Variants in USH2A observed in about 807,000 individuals in gnomAD.
USH2A encodes the protein Usher syndrome 2A (autosomal recessive, mild).
USH2A carries 443 observed loss-of-function variants against 538.9 expected under a neutral mutation model. The observed-to-expected ratio is 0.82, with a 90% CI of 0.76 to 0.89. The LOEUF (loss-of-function observed/expected upper bound fraction) is 0.89, where lower values mean the gene tolerates loss of function less well. USH2A is among the 40% of genes least tolerant of loss of function. The pLI, the probability that USH2A is intolerant of heterozygous loss-of-function variation, is 0.00. For missense variants in USH2A, 6,633 were observed against 6,324.8 expected (o/e 1.05, Z -1.65); for synonymous variants, 2,413 against 2,273.5 (o/e 1.06, Z -1.75).
intron 47 of USH2A, among the ~76,000 whole-genome samples, chr1:215,824,205 C>G (rs1210002429): frequency 6.6e-6 from 1 of 152,130 alleles, no homozygotes; most frequent in African/African-American, 2.4e-5. Flanking sequence ...GGAGCATCCT[C>G]TCATATATTA....
At chr1:215,996,292 C>T (rs981461500) in intron 34 of USH2A, among the ~76,000 whole-genome samples, 7 of 151,690 alleles carry the variant, frequency 4.6e-5, no homozygotes, top group South Asian at 2.1e-4. Flanking sequence ...TTTTAAAGCA[C>T]GAAGAAAAAG....
chr1:216,327,557 G>T (rs140596293), intron 5 of USH2A, 34 bp downstream of exon 5: 6 of 1,608,684 alleles, frequency 3.7e-6, no homozygotes, highest in Non-Finnish European at 5.1e-6. Context: ...TTATCCTTTC[G>T]GTTCTTGAGG....
At chr1:215,741,976 C>A (rs1660318033) in intron 59 of USH2A, among the ~76,000 whole-genome samples, 1 of 152,106 alleles carries the variant, frequency 6.6e-6, no homozygotes, top group African/African-American at 2.4e-5. Flanking sequence ...AGGAATAAAA[C>A]AATCTATTTG....
chr1:216,022,301 C>T (rs918323408), intron 32 of USH2A, among the ~76,000 whole-genome samples: 6 of 151,964 alleles, frequency 3.9e-5, no homozygotes, highest in African/African-American at 1.2e-4. Context: ...GCATTCTTGG[C>T]GTGGGGTTGT....
chr1:215,625,435 T>G lies in USH2A; in HGVS notation c.*346A>C. Reference sequence around the variant, plus strand: ...TTGAGCCAGTAACTAACTTACTACTTCTAACAACTGTGAGCCATCTTGAAA... The same window carrying G: ...TTGAGCCAGTAACTAACTTACTACTGCTAACAACTGTGAGCCATCTTGAAA... On this transcript the variant is annotated 3_prime_UTR_variant, in exon 72 of 72. Transcript: ENST00000307340. The G allele has an allele frequency of 2.9e-6, 1 of 344,992 alleles. No homozygotes were observed. The highest frequency in any genetic ancestry group is 2.7e-5 in the South Asian group (1 of 36,808). 21.4% of individuals were successfully genotyped at this position (344,992 alleles called of 1,614,324 possible).
intron 21 of USH2A, among the ~76,000 whole-genome samples, chr1:216,147,034 C>T (rs2033720168): frequency 1.3e-5 from 2 of 152,170 alleles, no homozygotes; most frequent in Non-Finnish European, 2.9e-5. Context: ...AGGCAAATGG[C>T]CTGAGGTGCC....
In USH2A at chr1:215,836,496, A is replaced by T. The variant is rs1663507184; in HGVS notation, c.9371+1495T>A. Reference sequence around the variant, plus strand: ...TATATATATAATATATATTATATATATAATATATATTATATATATATAATA... The same window carrying T: ...TATATATATAATATATATTATATATTTAATATATATTATATATATATAATA... On this transcript the variant is annotated intron_variant, in intron 47 of 71. Transcript: ENST00000307340. Among the ~76,000 whole-genome samples the T allele has an allele frequency of 2.6e-4, 4 of 15,594 alleles. 1 individual carries two copies. Among genetic ancestry groups the T allele is most frequent in the Non-Finnish European group, 4.5e-4 (4 of 8,950 alleles). The allele number at this position is 15,594 out of a possible 152,430, so 10.2% of individuals were successfully genotyped here.
At chr1:216,207,164 T>C in intron 16 of USH2A, 109 bp downstream of exon 16, 1 of 1,353,462 alleles carries the variant, frequency 7.4e-7, no homozygotes, top group Non-Finnish European at 1.0e-6. Flanking sequence ...TGAAACACTC[T>C]GTGCCAGACA....
At chr1:216,406,960 G>T (rs1195272061) in intron 3 of USH2A, among the ~76,000 whole-genome samples, 1 of 152,108 alleles carries the variant, frequency 6.6e-6, no homozygotes, top group Non-Finnish European at 1.5e-5. Flanking sequence ...CTACCACAGT[G>T]AAATTGGCAT....
At chr1:216,100,849 G>T (rs74521546) in intron 21 of USH2A, among the ~76,000 whole-genome samples, 1 of 152,100 alleles carries the variant, frequency 6.6e-6, no homozygotes, top group African/African-American at 2.4e-5. Flanking sequence ...ATGCAAGTTC[G>T]TGTGTTTTTC....
chr1:215,907,428 C>A (rs1025427687), intron 38 of USH2A, among the ~76,000 whole-genome samples: 1 of 152,034 alleles, frequency 6.6e-6, no homozygotes, highest in East Asian at 1.9e-4. Context: ...TTCTCTCCAA[C>A]TAGTTTCCAT....
chr1:215,641,534 T>A (rs1164573594), intron 67 of USH2A, among the ~76,000 whole-genome samples: 1 of 152,212 alleles, frequency 6.6e-6, no homozygotes, highest in Non-Finnish European at 1.5e-5. Flanking sequence ...TTTAAATGAA[T>A]AATTTTTGTG....
chr1:215,673,968 C>T (rs539629668), intron 63 of USH2A, 132 bp downstream of exon 63: 15 of 1,507,818 alleles, frequency 9.9e-6, no homozygotes, highest in East Asian at 4.6e-5. Flanking sequence ...CTACTATGCA[C>T]GTTTAGGTGG....
chr1:215,894,220 A>G (rs1665270979), intron 40 of USH2A, among the ~76,000 whole-genome samples: 1 of 152,220 alleles, frequency 6.6e-6, no homozygotes, highest in Non-Finnish European at 1.5e-5. Flanking sequence ...TTCATTAAAT[A>G]AAATGTACTC....
At chr1:215,644,618 A>T (rs1656789468) in intron 67 of USH2A, among the ~76,000 whole-genome samples, 2 of 152,336 alleles carry the variant, frequency 1.3e-5, no homozygotes, top group African/African-American at 4.8e-5. Context: ...ACCACTTTTT[A>T]AAAAAGGATT....
intron 69 of USH2A, among the ~76,000 whole-genome samples, chr1:215,635,567 A>ATTTATTTATTTT (rs1656453787): frequency 6.7e-6 from 1 of 149,336 alleles, no homozygotes; most frequent in Non-Finnish European, 1.5e-5. Context: ...TTATTTATTT[A>ATTTATTTATTTT]TTTTTTGAGA....
chr1:215,981,650 C>T (rs902858821), intron 35 of USH2A, among the ~76,000 whole-genome samples: 1 of 152,156 alleles, frequency 6.6e-6, no homozygotes, highest in Admixed American at 6.5e-5. Flanking sequence ...AACACTACCT[C>T]AAGGAGTATA....
At chr1:216,387,567 G>C (rs910081219) in intron 3 of USH2A, among the ~76,000 whole-genome samples, 2 of 152,116 alleles carry the variant, frequency 1.3e-5, no homozygotes, top group African/African-American at 4.8e-5. Context: ...TATAGACTTT[G>C]CTTTAATACA....
chr1:215,761,913 C>G (rs961220382), intron 56 of USH2A, among the ~76,000 whole-genome samples: 5 of 152,068 alleles, frequency 3.3e-5, no homozygotes, highest in Non-Finnish European at 4.4e-5. Context: ...ATAGCTTTTG[C>G]TTGATTGTAT....
Sources: gnomAD v4.1 joint callset for allele counts (sites outside exome capture counted in the v4.1 genomes callset) on GRCh38, gnomAD v4.1.1 for gene constraint, MANE v1.5 for transcripts, NCBI Gene and HGNC (gene_info 2026-07-23, HGNC 2026-07-21) for gene names.